The following SP1 variants were observed in gnomAD, a reference collection of about 807,000 sequenced individuals.
SP1 encodes Sp1 transcription factor, also known as transcription factor Sp1.
In SP1, 6 loss-of-function variants were observed where a neutral mutation model predicts 66.3. That is an observed-to-expected ratio of 0.09 (90% CI 0.05 to 0.18). SP1 has a LOEUF of 0.18. Among genes scored for constraint, SP1 ranks in the 10% least tolerant of loss-of-function variants. SP1 has a pLI of 1.00. For missense variants in SP1, 848 were observed against 964.5 expected (o/e 0.88, Z 1.60); for synonymous variants, 417 against 360.8 (o/e 1.16, Z -1.77).
intron 5 of SP1, among the ~76,000 whole-genome samples, chr12:53,409,961 G>A (rs866062038): frequency 2.6e-5 from 4 of 152,044 alleles, no homozygotes; most frequent in Middle Eastern, 6.8e-3. Flanking sequence ...AATGAGCCAA[G>A]ATCGTGCCAC....
At chr12:53,380,770 GC>G (rs1938072704) in intron 1 of SP1, 1 of 472,630 alleles carries the variant, frequency 2.1e-6, no homozygotes, top group African/African-American at 4.7e-5. Context: ...CCCTTTCCAC[GC>G]CCCTCACCCC....
intron 3 of SP1, among the ~76,000 whole-genome samples, chr12:53,405,428 G>T (rs11170541): frequency 6.6e-6 from 1 of 152,062 alleles, no homozygotes; most frequent in Non-Finnish European, 1.5e-5. Flanking sequence ...CAGCACTTTC[G>T]AAGGCCGAGG....
rs1333538514 is a variant in SP1, at chr12:53,380,209, G to C, written c.-83G>C. The C allele has an allele frequency of 9.6e-7, 1 of 1,037,802 alleles. No individual in the cohort carries two copies. The highest frequency in any genetic ancestry group is 1.5e-6 in the Non-Finnish European group (1 of 669,126). 64.3% of individuals were successfully genotyped at this position (1,037,802 alleles called of 1,614,324 possible). Reference sequence around the variant, plus strand: ...CTCCCTGTCCGGTCCGGGTTCGCTTGCCTCGTCAGCGTCCGCGTTTTTCCC... The same window carrying C: ...CTCCCTGTCCGGTCCGGGTTCGCTTCCCTCGTCAGCGTCCGCGTTTTTCCC... On this transcript the variant is annotated 5_prime_UTR_variant, in exon 1 of 6. Transcript: ENST00000327443.
intron 3 of SP1, among the ~76,000 whole-genome samples, chr12:53,397,847 C>CCCGA (rs1938524524): frequency 6.6e-6 from 1 of 152,178 alleles, no homozygotes; most frequent in South Asian, 2.1e-4. Context: ...AGCCACTGCG[C>CCCGA]CCGACCGTAG....
At chr12:53,400,595 GT>G (rs891730372) in intron 3 of SP1, among the ~76,000 whole-genome samples, 1 of 151,754 alleles carries the variant, frequency 6.6e-6, no homozygotes, top group Admixed American at 6.6e-5. Flanking sequence ...GTTTTGTTTT[GT>G]TTTTTGGGTT....
chr12:53,382,229 C>T lies in SP1; in HGVS notation c.282C>T (p.Asp94=). The T allele has an allele frequency of 6.2e-7, 1 of 1,614,174 alleles. No individual in the cohort carries two copies. Among genetic ancestry groups the T allele is most frequent in the Non-Finnish European group, 8.5e-7 (1 of 1,180,030 alleles). ...PSQSGGTGEL[D]LTATQLSQGA... ...AGTCAGGGGGAACAGGTGAGCTTGA[C>T]CTCACAGCCACACAACTTTCACAGG... The change falls in exon 3 of 6, where the codon GAC becomes GAT. Residue 94 remains aspartate (D), a synonymous_variant. Coordinates refer to ENST00000327443, the MANE Select transcript of SP1 (RefSeq NM_138473.3).
At chr12:53,396,046 G>A (rs1938481289) in intron 3 of SP1, among the ~76,000 whole-genome samples, 1 of 152,062 alleles carries the variant, frequency 6.6e-6, no homozygotes, top group Non-Finnish European at 1.5e-5. Flanking sequence ...CCTGAACCTG[G>A]AAAGTGGAGG....
At chr12:53,407,930 C>T (rs1311718679) in intron 4 of SP1, among the ~76,000 whole-genome samples, 5 of 142,198 alleles carry the variant, frequency 3.5e-5, no homozygotes, top group African/African-American at 1.0e-4. Flanking sequence ...GCCATGGGGG[C>T]GCCCGGCCTT....
At position 53,386,983 on chromosome 12, in the gene SP1, G is replaced by C. The variant is rs1192669147; in HGVS notation, c.1675+3361G>C. ...GTTTTCTTTTTTGGGACTGACTCTA[G>C]CTTGTCTCCCAGGCTGGAGTGCAGT... is the stretch of plus-strand genomic sequence containing the variant. On this transcript the variant is annotated intron_variant, in intron 3 of 5. Coordinates refer to ENST00000327443, the MANE Select transcript of SP1 (RefSeq NM_138473.3). 4.4e-5 allele frequency among the ~76,000 whole-genome samples: 6 copies of C among 135,194 alleles called. 1 individual carries two copies. Among genetic ancestry groups the C allele is most frequent in the African/African-American group, 1.8e-4 (6 of 34,246 alleles). 88.7% of individuals were successfully genotyped at this position (135,194 alleles called of 152,430 possible). A position where few individuals can be genotyped will look rare whatever the true frequency, so the allele number is the denominator to read the frequency against.
In SP1 at chr12:53,382,095, C is replaced by A; in HGVS notation, c.163-15C>A. 6.2e-7 allele frequency: 1 copy of A among 1,612,086 alleles called. No individual in the cohort carries two copies. Reference sequence around the variant, plus strand: ...GGTGTCACTAACTCCTTTCCTCTCCCTTATTTTCGGCCAGGAGTCCCAGCC... The same window carrying A: ...GGTGTCACTAACTCCTTTCCTCTCCATTATTTTCGGCCAGGAGTCCCAGCC... On this transcript the variant is annotated splice_polypyrimidine_tract_variant and intron_variant, in intron 2 of 5. Coordinates refer to ENST00000327443, the MANE Select transcript of SP1 (RefSeq NM_138473.3).
At chr12:53,380,501 C>T in intron 1 of SP1, 1 of 505,370 alleles carries the variant, frequency 2.0e-6, no homozygotes, top group Non-Finnish European at 2.9e-6. Flanking sequence ...GGGCCGCCCG[C>T]CCCGGGGGAG....
chr12:53,409,093 T>G (rs1358956830), intron 4 of SP1, among the ~76,000 whole-genome samples: 1 of 145,356 alleles, frequency 6.9e-6, no homozygotes, highest in Non-Finnish European at 1.5e-5. Context: ...GGCATGGTGG[T>G]GTGCACCTGT....
In SP1 at chr12:53,413,339, C is replaced by T. The variant is rs1938934296; in HGVS notation, c.*2099C>T. On this transcript the variant is annotated 3_prime_UTR_variant, in exon 6 of 6. Transcript: ENST00000327443. ...CCAACATCCAGATCTATAGCAGAGT[C>T]CTTATTCTTCTCATAAATCTTTTTA... 6.6e-6 allele frequency: 1 copy of T among 152,116 alleles called. No homozygotes were observed. The highest frequency in any genetic ancestry group is 6.5e-5 in the Admixed American group (1 of 15,282). 9.4% of individuals were successfully genotyped at this position (152,116 alleles called of 1,614,324 possible). A position where few individuals can be genotyped will look rare whatever the true frequency, so the allele number is the denominator to read the frequency against.
chr12:53,397,422 G>A (rs1475098703), intron 3 of SP1, among the ~76,000 whole-genome samples: 2 of 151,104 alleles, frequency 1.3e-5, no homozygotes, highest in Non-Finnish European at 2.9e-5. Flanking sequence ...ATGTTTATGA[G>A]GTAATTTAAG....
intron 5 of SP1, 40 bp from the exon 6 acceptor site, chr12:53,410,886 TC>T: frequency 6.7e-7 from 1 of 1,487,552 alleles, no homozygotes. Flanking sequence ...TAACCTCACT[TC>T]CTAACATGTC....
Position 53,380,179 on chromosome 12 carries a change from C to T in SP1, c.-113C>T. ...GGCGCGCTGCTCCCTCCTCCTTACC[C>T]CCCCCTCCCTGTCCGGTCCGGGTTC... On this transcript the variant is annotated 5_prime_UTR_variant, in exon 1 of 6. Coordinates refer to ENST00000327443, the MANE Select transcript of SP1 (RefSeq NM_138473.3). 1.3e-6 allele frequency: 1 copy of T among 747,164 alleles called. No homozygotes were observed. Among genetic ancestry groups the T allele is most frequent in the Non-Finnish European group, 2.4e-6 (1 of 416,292 alleles). 46.3% of individuals were successfully genotyped at this position (747,164 alleles called of 1,614,324 possible). A position where few individuals can be genotyped will look rare whatever the true frequency, so the allele number is the denominator to read the frequency against.
At chr12:53,392,512 A>T (rs1315203425) in intron 3 of SP1, among the ~76,000 whole-genome samples, 1 of 150,274 alleles carries the variant, frequency 6.7e-6, no homozygotes, top group Non-Finnish European at 1.5e-5. Flanking sequence ...GCCCGCCACT[A>T]CGCCCGGCTA....
chr12:53,400,499 G>A lies in SP1; in HGVS notation c.1676-6086G>A, dbSNP rs145902063. Among the ~76,000 whole-genome samples, 58 of 152,258 alleles carry A rather than the reference G, an allele frequency of 3.8e-4. 3 individuals are homozygous for A. In the East Asian group the frequency reaches 0.01, roughly 27 times the overall value. On this transcript the variant is annotated intron_variant, in intron 3 of 5. Coordinates refer to ENST00000327443, the MANE Select transcript of SP1 (RefSeq NM_138473.3). ...TTTGTTTATACGTTTTTGTGTGAAC[G>A]TATGTTTTAATTTCTCTTGGTTATA...
intron 3 of SP1, among the ~76,000 whole-genome samples, chr12:53,406,205 G>T (rs1938735327): frequency 6.6e-6 from 1 of 151,400 alleles, no homozygotes; most frequent in Admixed American, 6.6e-5. Context: ...CAAGGAGCTG[G>T]GATTACAGGC....
Sources: gnomAD v4.1 joint callset for allele counts (sites outside exome capture counted in the v4.1 genomes callset) on GRCh38, gnomAD v4.1.1 for gene constraint, MANE v1.5 for transcripts, NCBI Gene and HGNC (gene_info 2026-07-23, HGNC 2026-07-21) for gene names.